DYNC1I1: variants seen among roughly 807,000 people sequenced by gnomAD.
DYNC1I1 encodes cytoplasmic dynein 1 intermediate chain 1.
In DYNC1I1, 43 loss-of-function variants were observed where a neutral mutation model predicts 86.6. That is an observed-to-expected ratio of 0.50 (90% CI 0.39 to 0.64). The LOEUF is 0.64. Ranked by LOEUF, DYNC1I1 falls within the 30% of genes least tolerant of loss-of-function variation. The probability of loss-of-function intolerance (pLI) is 0.00; values close to 1 mark genes in which losing one functional copy is unlikely to be tolerated. For missense variants in DYNC1I1, 604 were observed against 788.8 expected, an observed-to-expected ratio of 0.77 and a Z score of 2.81; for synonymous variants, 262 against 283.7, an observed-to-expected ratio of 0.92 and a Z score of 0.77.
chr7:95,991,028 TTAAAA>T (rs71292964), intron 9 of DYNC1I1, among the ~76,000 whole-genome samples: 62,719 of 148,380 alleles, frequency 0.42, 13,554 homozygotes, highest in East Asian at 0.62. Flanking sequence ...GACCCTGTCT[TTAAAA>T]TAAAATAAAA....
At chr7:95,856,991 G>A in intron 5 of DYNC1I1, among the ~76,000 whole-genome samples, 1 of 151,562 alleles carries the variant, frequency 6.6e-6, no homozygotes, top group South Asian at 2.1e-4. Flanking sequence ...AAAAAAAAAA[G>A]AAAAAAAGAA....
At chr7:96,059,611 A>G (rs561099588) in intron 14 of DYNC1I1, among the ~76,000 whole-genome samples, 13 of 152,228 alleles carry the variant, frequency 8.5e-5, no homozygotes, top group Non-Finnish European at 1.6e-4. Context: ...AATGTTGCAA[A>G]AAAAAATGAA....
At chr7:96,051,987 G>T (rs530987955) in intron 14 of DYNC1I1, among the ~76,000 whole-genome samples, 2 of 152,270 alleles carry the variant, frequency 1.3e-5, no homozygotes, top group African/African-American at 4.8e-5. Flanking sequence ...ATCACAGTGA[G>T]TATGCAACTG....
chr7:95,998,972 T>C (rs1216324471), intron 10 of DYNC1I1, among the ~76,000 whole-genome samples: 1 of 152,238 alleles, frequency 6.6e-6, no homozygotes, highest in Admixed American at 6.5e-5. Context: ...AAGTATCTTC[T>C]ACTGTCACAG....
intron 2 of DYNC1I1, among the ~76,000 whole-genome samples, chr7:95,806,298 A>T (rs903463926): frequency 1.2e-4 from 19 of 152,200 alleles, no homozygotes; most frequent in Admixed American, 9.8e-4. Context: ...ACTAAATGTG[A>T]TGTGATATGG....
chr7:95,924,843 C>T (rs1307784167), intron 6 of DYNC1I1, among the ~76,000 whole-genome samples: 5 of 152,186 alleles, frequency 3.3e-5, no homozygotes. Context: ...ATGGAGGTTA[C>T]ATCTTTGATC....
chr7:95,779,257 G>A (rs913605965), intron 1 of DYNC1I1, among the ~76,000 whole-genome samples: 6 of 152,004 alleles, frequency 3.9e-5, no homozygotes, highest in African/African-American at 1.4e-4. Flanking sequence ...CAATTTTTTT[G>A]TCTTTACAAG....
intron 10 of DYNC1I1, among the ~76,000 whole-genome samples, chr7:96,010,581 G>A (rs1441049139): frequency 1.3e-5 from 2 of 152,186 alleles, no homozygotes; most frequent in Non-Finnish European, 2.9e-5. Context: ...TGTTCCTGGG[G>A]AGGGTCTGAC....
At chr7:96,103,002 G>A (rs1791157529), downstream of DYNC1I1, among the ~76,000 whole-genome samples, 1 of 152,122 alleles carries the variant, frequency 6.6e-6, no homozygotes, top group Non-Finnish European at 1.5e-5. Flanking sequence ...GATAGAAACT[G>A]TGCATTGGGA....
At chr7:95,954,915 C>CAAAAAAAAAAAAAAAAAAA (rs58435060) in intron 6 of DYNC1I1, among the ~76,000 whole-genome samples, 2 of 81,858 alleles carry the variant, frequency 2.4e-5, no homozygotes, top group Non-Finnish European at 4.4e-5. Context: ...GACTCTGTCT[C>CAAAAAAAAAAAAAAAAAAA]AAAAAAAAAA....
intron 6 of DYNC1I1, among the ~76,000 whole-genome samples, chr7:95,945,410 A>T (rs1243527211): frequency 6.6e-6 from 1 of 152,202 alleles, no homozygotes; most frequent in Non-Finnish European, 1.5e-5. Context: ...CCAATTTTGC[A>T]TAAATATTCC....
intron 15 of DYNC1I1, 39 bp downstream of exon 15, chr7:96,076,236 A>AG: frequency 5.0e-6 from 8 of 1,607,440 alleles, no homozygotes; most frequent in Non-Finnish European, 6.8e-6. Flanking sequence ...GAGGGCTGGG[A>AG]GGGGGGCGCA....
In DYNC1I1 at chr7:95,881,659, G is replaced by A. The variant is rs73390872; in HGVS notation, c.490+11661G>A. ...ATTTTCACCATGAGGGTGGCATACT[G>A]GAGGCTCAAGCTAATTATTTTTCTG... On this transcript the variant is annotated intron_variant, in intron 6 of 16. Coordinates refer to ENST00000447467, the MANE Select transcript of DYNC1I1 (RefSeq NM_001135556.2). Among the ~76,000 whole-genome samples, 1,103 of 152,294 alleles carry A rather than the reference G, an allele frequency of 7.2e-3. 14 individuals are homozygous for A. Among genetic ancestry groups the A allele is most frequent in the African/African-American group, 0.025 (1,052 of 41,556 alleles).
At chr7:95,953,681 AG>A (rs1304544023) in intron 6 of DYNC1I1, among the ~76,000 whole-genome samples, 1 of 152,228 alleles carries the variant, frequency 6.6e-6, no homozygotes, top group Non-Finnish European at 1.5e-5. Context: ...TCATGTTAGC[AG>A]CGTGAGGAAG....
chr7:95,923,987 T>A (rs987160637), intron 6 of DYNC1I1, among the ~76,000 whole-genome samples: 1 of 152,118 alleles, frequency 6.6e-6, no homozygotes, highest in Admixed American at 6.6e-5. Context: ...TTTATAGCCG[T>A]ATTATTTGCC....
At chr7:95,956,133 T>C (rs1792703692) in intron 6 of DYNC1I1, among the ~76,000 whole-genome samples, 1 of 152,218 alleles carries the variant, frequency 6.6e-6, no homozygotes, top group Admixed American at 6.5e-5. Context: ...GGAGTATTCC[T>C]AGCCATGTTC....
chr7:95,784,217 G>A (rs1284168710), intron 1 of DYNC1I1, among the ~76,000 whole-genome samples: 1 of 152,048 alleles, frequency 6.6e-6, no homozygotes, highest in African/African-American at 2.4e-5. Flanking sequence ...TGGTAATTCA[G>A]GTCTATCGGG....
At chr7:95,954,022 C>T (rs1046470578) in intron 6 of DYNC1I1, among the ~76,000 whole-genome samples, 1 of 152,024 alleles carries the variant, frequency 6.6e-6, no homozygotes, top group Admixed American at 6.6e-5. Context: ...CTCCGGTCGT[C>T]ATTCACTGCT....
chr7:96,028,158 C>T lies in DYNC1I1; in HGVS notation c.970-17C>T. 1.2e-6 allele frequency: 2 copies of T among 1,612,744 alleles called. No individual in the cohort carries two copies. Among genetic ancestry groups the T allele is most frequent in the Non-Finnish European group, 1.7e-6 (2 of 1,178,976 alleles). Reference sequence around the variant, plus strand: ...TTTCACATTGCATCTCTCTCTCTCTCTCCTTTTCCCTGACAGTCCTCTGTG... The same window carrying T: ...TTTCACATTGCATCTCTCTCTCTCTTTCCTTTTCCCTGACAGTCCTCTGTG... On this transcript the variant is annotated splice_polypyrimidine_tract_variant and intron_variant, in intron 10 of 16. Transcript: ENST00000447467.
Sources: gnomAD v4.1 joint callset for allele counts (sites outside exome capture counted in the v4.1 genomes callset) on GRCh38, gnomAD v4.1.1 for gene constraint, MANE v1.5 for transcripts, NCBI Gene and HGNC (gene_info 2026-07-23, HGNC 2026-07-21) for gene names.